Variants in ADGRL2 observed in about 807,000 individuals in gnomAD.
ADGRL2 encodes the protein calcium-independent alpha-latrotoxin receptor 2.
ADGRL2 carries 44 observed loss-of-function variants against 157.4 expected under a neutral mutation model. That is an observed-to-expected ratio of 0.28 (90% confidence interval 0.22 to 0.36). The LOEUF (loss-of-function observed/expected upper bound fraction) is 0.36. Among genes scored for constraint, ADGRL2 ranks in the 10% least tolerant of loss-of-function variants. The pLI, the probability that ADGRL2 is intolerant of heterozygous loss-of-function variation, is 1.00. For missense variants in ADGRL2, 1,510 were observed against 1,768.9 expected (o/e 0.85, Z 2.63); for synonymous variants, 585 against 624.7 (o/e 0.94, Z 0.95).
At chr1:81,958,958 G>A (rs1654483967) in intron 11 of ADGRL2, among the ~76,000 whole-genome samples, 1 of 152,128 alleles carries the variant, frequency 6.6e-6, no homozygotes, top group South Asian at 2.1e-4. Context: ...CCATATACAT[G>A]GGAGTGTCCA....
At chr1:81,642,510 C>T (rs1021213706) in intron 3 of ADGRL2, among the ~76,000 whole-genome samples, 1 of 151,606 alleles carries the variant, frequency 6.6e-6, no homozygotes, top group Non-Finnish European at 1.5e-5. Flanking sequence ...TTTGAATAGT[C>T]CTATATCTAT....
chr1:81,504,599 A>G (rs2078928900), intron 2 of ADGRL2, among the ~76,000 whole-genome samples: 1 of 152,072 alleles, frequency 6.6e-6, no homozygotes, highest in Admixed American at 6.5e-5. Flanking sequence ...CCCTTCCCTC[A>G]AGCCCAGTGA....
intron 3 of ADGRL2, among the ~76,000 whole-genome samples, chr1:81,634,830 C>T (rs1166055609): frequency 1.3e-5 from 2 of 152,068 alleles, no homozygotes; most frequent in South Asian, 2.1e-4. Context: ...CCTATGTTAG[C>T]TTTCAGTTAG....
intron 1 of ADGRL2, among the ~76,000 whole-genome samples, chr1:81,733,637 A>AACATATGAATGTGGGGGACGGGGC (rs1353103795): frequency 5.9e-5 from 9 of 152,318 alleles, no homozygotes; most frequent in African/African-American, 2.2e-4. Flanking sequence ...TTAAGGTATT[A>AACATATGAATGTGGGGGACGGGGC]ACATATGAAT....
At chr1:81,844,395 AT>A (rs1356389276) in intron 2 of ADGRL2, among the ~76,000 whole-genome samples, 2 of 152,148 alleles carry the variant, frequency 1.3e-5, no homozygotes, top group African/African-American at 4.8e-5. Context: ...ATACACTTTA[AT>A]TTTTTAATAT....
chr1:81,757,053 A>G (rs1454403567), intron 1 of ADGRL2, among the ~76,000 whole-genome samples: 1 of 152,120 alleles, frequency 6.6e-6, no homozygotes, highest in Non-Finnish European at 1.5e-5. Flanking sequence ...GTTTCTCTGT[A>G]GCTAATGTTT....
chr1:81,792,881 G>A (rs1424457062), intron 2 of ADGRL2, among the ~76,000 whole-genome samples: 1 of 151,990 alleles, frequency 6.6e-6, no homozygotes, highest in African/African-American at 2.4e-5. Flanking sequence ...AGATAAAACA[G>A]ACCATTTTTA....
intron 11 of ADGRL2, among the ~76,000 whole-genome samples, chr1:81,959,537 G>A (rs1178193149): frequency 1.3e-5 from 2 of 151,976 alleles, no homozygotes; most frequent in East Asian, 1.9e-4. Flanking sequence ...AGCAGCATCT[G>A]GCTAATCCTG....
intron 1 of ADGRL2, among the ~76,000 whole-genome samples, chr1:81,391,146 C>T (rs1034425132): frequency 2.0e-5 from 3 of 152,298 alleles, no homozygotes; most frequent in African/African-American, 2.4e-5. Context: ...AAATAAATGC[C>T]CTTATCTGAA....
Position 81,907,049 on chromosome 1 carries a change from G to T in ADGRL2, c.106G>T (p.Val36Leu). The change falls in exon 3 of 24, where the codon GTG becomes TTG. Residue 36 changes from valine (V) to leucine (L), a missense_variant. Coordinates refer to ENST00000686636, the MANE Select transcript of ADGRL2 (RefSeq NM_001366006.2). ...CAGAGCAGCTTTACCATTTGGGCTG[G>T]TGAGGCGAGAATTATCCTGTGAAGG... ...FSRAALPFGL[V>L]RRELSCEGYS... 3 of 1,613,982 alleles carry T rather than the reference G, an allele frequency of 1.9e-6. No individual in the cohort carries two copies. The highest frequency in any genetic ancestry group is 2.5e-6 in the Non-Finnish European group (3 of 1,179,974).
chr1:81,711,459 C>T (rs551881223), intron 1 of ADGRL2, among the ~76,000 whole-genome samples: 1 of 152,276 alleles, frequency 6.6e-6, no homozygotes, highest in Admixed American at 6.5e-5. Flanking sequence ...GTGCTTTTTG[C>T]ATGCATCCAT....
intron 1 of ADGRL2, among the ~76,000 whole-genome samples, chr1:81,743,646 A>G (rs2085150552): frequency 6.6e-6 from 1 of 152,088 alleles, no homozygotes; most frequent in Non-Finnish European, 1.5e-5. Flanking sequence ...GCTAGCAGTC[A>G]TCTATTAACC....
chr1:81,477,280 A>ACG (rs2078292653), intron 2 of ADGRL2, among the ~76,000 whole-genome samples: 1 of 151,932 alleles, frequency 6.6e-6, no homozygotes. Flanking sequence ...AGGCTGTCAT[A>ACG]TCGTAAAGCC....
intron 1 of ADGRL2, chr1:81,722,002 C>A (rs2084341592): frequency 3.9e-6 from 2 of 514,720 alleles, no homozygotes; most frequent in Admixed American, 4.8e-5. Flanking sequence ...GATGAAAATG[C>A]AGAGATAGGA....
chr1:81,389,848 G>A lies in ADGRL2; in HGVS notation c.-301-55188G>A, dbSNP rs150158961. Among the ~76,000 whole-genome samples the A allele has an allele frequency of 6.0e-3, 916 of 152,076 alleles. 9 individuals carry two copies. The highest frequency in any genetic ancestry group is 0.02 in the African/African-American group (840 of 41,496). ...TATAAGGCTAAAAAGAAACTACATC[G>A]TAGAAACATAGATTTAATTTAAAAA... On this transcript the variant is annotated intron_variant, in intron 1 of 24. Coordinates refer to the ADGRL2 transcript ENST00000370721.
chr1:81,308,193 C>T (rs1417844739), intron 1 of ADGRL2, among the ~76,000 whole-genome samples: 3 of 151,952 alleles, frequency 2.0e-5, no homozygotes, highest in Non-Finnish European at 2.9e-5. Flanking sequence ...TTTGAAATGC[C>T]GAGTTGTAAA....
chr1:81,799,695 G>C (rs1268012053), upstream of ADGRL2, among the ~76,000 whole-genome samples: 1 of 152,088 alleles, frequency 6.6e-6, no homozygotes, highest in Non-Finnish European at 1.5e-5. Flanking sequence ...GCACCAAAAA[G>C]TACCTATTGT....
Position 81,956,040 on chromosome 1 carries a change from C to T in ADGRL2, c.1997C>T (p.Ser666Leu). 1 of 1,597,400 alleles carries T rather than the reference C, an allele frequency of 6.3e-7. No homozygotes were observed. The highest frequency in any genetic ancestry group is 8.5e-7 in the Non-Finnish European group (1 of 1,174,130). The change falls in exon 11 of 24, where the codon TCA becomes TTA. Residue 666 changes from serine (S) to leucine (L), a missense_variant. Ser to Leu is a moderately radical substitution (Grantham distance 145). Coordinates refer to ENST00000686636, the MANE Select transcript of ADGRL2 (RefSeq NM_001366006.2). ...ADNLLEPTRV[S>L]MPTENIVLEV... Reference sequence around the variant, plus strand: ...AATCTTTTAGAACCAACAAGGGTCTCAATGCCCACAGAAAATATTGGTAAG... The same window carrying T: ...AATCTTTTAGAACCAACAAGGGTCTTAATGCCCACAGAAAATATTGGTAAG...
chr1:81,566,494 G>C (rs1166468750), intron 2 of ADGRL2, among the ~76,000 whole-genome samples: 1 of 152,114 alleles, frequency 6.6e-6, no homozygotes, highest in African/African-American at 2.4e-5. Flanking sequence ...AAATGCAGGA[G>C]TCTATTGAAA....
Sources: gnomAD v4.1 joint callset for allele counts (sites outside exome capture counted in the v4.1 genomes callset) on GRCh38, gnomAD v4.1.1 for gene constraint, MANE v1.5 for transcripts, NCBI Gene and HGNC (gene_info 2026-07-23, HGNC 2026-07-21) for gene names.